Variants in NUP214 observed in about 807,000 individuals in gnomAD.
NUP214 encodes nuclear pore complex protein Nup214.
Under a neutral mutation model 196.2 loss-of-function variants are expected in NUP214, and 79 were observed. That is an observed-to-expected ratio of 0.40 (90% confidence interval 0.34 to 0.49). The LOEUF is 0.49. Ranked by LOEUF, NUP214 falls within the 20% of genes least tolerant of loss-of-function variation. NUP214 has a pLI of 0.58. For missense variants in NUP214, 2,468 were observed against 2,539.0 expected (o/e 0.97, Z 0.60); for synonymous variants, 1,020 against 990.5 (o/e 1.03, Z -0.56).
At chr9:131,163,373 T>C in intron 19 of NUP214, 200 bp downstream of exon 19, 1 of 553,942 alleles carries the variant, frequency 1.8e-6, no homozygotes, top group Non-Finnish European at 3.1e-6. Flanking sequence ...CGTGGGATTG[T>C]TGGAGAGTTA....
At chr9:131,210,497 C>T (rs536356358) in intron 30 of NUP214, among the ~76,000 whole-genome samples, 198 of 152,028 alleles carry the variant, frequency 1.3e-3, no homozygotes, top group African/African-American at 2.4e-3. Flanking sequence ...CATGGTGGCG[C>T]GCCCCTGTAG....
intron 21 of NUP214, among the ~76,000 whole-genome samples, chr9:131,168,047 G>A (rs1176708042): frequency 1.3e-5 from 2 of 152,146 alleles, no homozygotes; most frequent in Non-Finnish European, 2.9e-5. Context: ...AGGCCACCAT[G>A]CCCAGATAAT....
chr9:131,161,661 C>G (rs901441673), intron 18 of NUP214, among the ~76,000 whole-genome samples: 12 of 152,162 alleles, frequency 7.9e-5, no homozygotes, highest in African/African-American at 2.2e-4. Context: ...GGAAATAAAT[C>G]CAGAGGTTTC....
Position 131,125,761 on chromosome 9 carries a change from A to T in NUP214, c.45+12A>T, listed in dbSNP as rs1448868904. Reference sequence around the variant, plus strand: ...AGCGGGAGATGAAGGTCAGAGACTAACCGGGGCCTCCCTCCCTTCTTTAGT... The same window carrying T: ...AGCGGGAGATGAAGGTCAGAGACTATCCGGGGCCTCCCTCCCTTCTTTAGT... On this transcript the variant is annotated intron_variant, in intron 1 of 35. Coordinates refer to ENST00000359428, the MANE Select transcript of NUP214 (RefSeq NM_005085.4). The surrounding 1 kb of genome is among the most constrained non-coding windows in gnomAD (Gnocchi z 4.1). 1.9e-6 allele frequency: 3 copies of T among 1,551,058 alleles called. No homozygotes were observed. Among genetic ancestry groups the T allele is most frequent in the Non-Finnish European group, 2.6e-6 (3 of 1,146,718 alleles).
intron 24 of NUP214, among the ~76,000 whole-genome samples, chr9:131,185,121 G>C (rs1833417383): frequency 6.6e-6 from 1 of 152,214 alleles, no homozygotes; most frequent in Non-Finnish European, 1.5e-5. Context: ...TTACCTTGTT[G>C]AAGTTCATTA....
intron 17 of NUP214, among the ~76,000 whole-genome samples, chr9:131,158,724 C>T (rs765191467): frequency 2.0e-5 from 3 of 152,150 alleles, no homozygotes; most frequent in Non-Finnish European, 4.4e-5. Flanking sequence ...AATTCCCAGA[C>T]CATGGAACTG....
intron 11 of NUP214, among the ~76,000 whole-genome samples, chr9:131,141,150 A>G (rs1258646377): frequency 1.3e-5 from 2 of 152,064 alleles, no homozygotes; most frequent in South Asian, 4.2e-4. Flanking sequence ...AAAAAAAAAA[A>G]ACCACTATTC....
At chr9:131,166,910 T>G (rs1832801029) in intron 21 of NUP214, among the ~76,000 whole-genome samples, 1 of 152,222 alleles carries the variant, frequency 6.6e-6, no homozygotes, top group South Asian at 2.1e-4. Context: ...TATCTGAGAA[T>G]AAGCTGAAGA....
At chr9:131,160,274 T>G (rs1437494383) in intron 18 of NUP214, among the ~76,000 whole-genome samples, 1 of 152,132 alleles carries the variant, frequency 6.6e-6, no homozygotes, top group Non-Finnish European at 1.5e-5. Context: ...GGTACAAAAG[T>G]AAATAGATGT....
chr9:131,196,410 C>T (rs779705438), intron 28 of NUP214, among the ~76,000 whole-genome samples: 21 of 152,204 alleles, frequency 1.4e-4, no homozygotes, highest in Non-Finnish European at 1.9e-4. Context: ...ATCCACGTGC[C>T]TTGGCCTCCC....
chr9:131,148,805 T>C (rs1832161485), intron 14 of NUP214, among the ~76,000 whole-genome samples: 1 of 152,152 alleles, frequency 6.6e-6, no homozygotes, highest in Non-Finnish European at 1.5e-5. Flanking sequence ...CGCACACACA[T>C]ACAGTGCAAA....
At chr9:131,222,744 C>G in intron 31 of NUP214, 34 bp from the exon 32 acceptor site, 2 of 1,598,802 alleles carry the variant, frequency 1.3e-6, no homozygotes, top group South Asian at 2.2e-5. Context: ...ACATTTGTCT[C>G]CCTCTGACCT....
chr9:131,207,483 A>C (rs1010795579), intron 30 of NUP214, among the ~76,000 whole-genome samples: 1 of 152,156 alleles, frequency 6.6e-6, no homozygotes, highest in African/African-American at 2.4e-5. Context: ...GCTTCCTCAC[A>C]ACGTGGTGGC....
chr9:131,127,651 G>A lies in NUP214; in HGVS notation c.173G>A (p.Gly58Asp). Reference sequence around the variant, plus strand: ...CTGGTCTTCGCTGGTGGAGCCAGTGGCTTGCAGATTTTTCCTACTAAAAAT... The same window carrying A: ...CTGGTCTTCGCTGGTGGAGCCAGTGACTTGCAGATTTTTCCTACTAAAAAT... The part of the protein sequence containing the change: ...YGLVFAGGAS[G>D]LQIFPTKNLL... The change falls in exon 2 of 36, where the codon GGC (glycine) becomes GAC (aspartate). Residue 58 changes from glycine to aspartate, a missense_variant. Transcript: ENST00000359428. 6.2e-7 allele frequency: 1 copy of A among 1,614,126 alleles called. No individual in the cohort carries two copies. The highest frequency in any genetic ancestry group is 1.3e-5 in the African/African-American group (1 of 75,034).
intron 5 of NUP214, among the ~76,000 whole-genome samples, chr9:131,131,894 G>T (rs1463500846): frequency 6.6e-6 from 1 of 151,834 alleles, no homozygotes; most frequent in Non-Finnish European, 1.5e-5. Flanking sequence ...TTGCCATGTT[G>T]CCCAGGCTGG....
At chr9:131,215,008 A>G (rs1834350112) in intron 30 of NUP214, among the ~76,000 whole-genome samples, 1 of 152,242 alleles carries the variant, frequency 6.6e-6, no homozygotes, top group Non-Finnish European at 1.5e-5. Context: ...AACTGTGAAC[A>G]TGGAATAGCT....
chr9:131,135,559 T>C (rs1023621987), intron 8 of NUP214, among the ~76,000 whole-genome samples: 1 of 152,262 alleles, frequency 6.6e-6, no homozygotes, highest in Admixed American at 6.5e-5. Context: ...AATATTGATA[T>C]TCAAGGAATA....
chr9:131,127,571 T>G lies in NUP214; in HGVS notation c.93T>G (p.Pro31=), dbSNP rs1342695216. The G allele has an allele frequency of 1.2e-6, 2 of 1,614,112 alleles. No individual in the cohort carries two copies. Among genetic ancestry groups the G allele is most frequent in the Non-Finnish European group, 1.7e-6 (2 of 1,179,964 alleles). The change falls in exon 2 of 36, where the codon CCT becomes CCG. Residue 31 remains proline (P), a synonymous_variant. Coordinates refer to ENST00000359428, the MANE Select transcript of NUP214 (RefSeq NM_005085.4). ...AGAAGGTGAGAATCTTTGACTCCCCTGAGGAATTGCCCAAGGAACGCTCGA... is the reference window on the plus strand; with the variant it reads ...AGAAGGTGAGAATCTTTGACTCCCCGGAGGAATTGCCCAAGGAACGCTCGA... The part of the protein sequence containing the change: ...ALKKVRIFDS[P]EELPKERSSL...
At chr9:131,151,237 C>G (rs546903725) in intron 16 of NUP214, among the ~76,000 whole-genome samples, 1 of 152,160 alleles carries the variant, frequency 6.6e-6, no homozygotes, top group Non-Finnish European at 1.5e-5. Flanking sequence ...CTGTGCCAAA[C>G]GCATCACTTG....
Sources: gnomAD v4.1 joint callset for allele counts (sites outside exome capture counted in the v4.1 genomes callset) on GRCh38, gnomAD v4.1.1 for gene constraint, Gnocchi (gnomAD v3.1) non-coding constraint, MANE v1.5 for transcripts, NCBI Gene and HGNC (gene_info 2026-07-23, HGNC 2026-07-21) for gene names.